PCDH7: variants seen among roughly 807,000 people sequenced by gnomAD.
PCDH7 encodes the protein protocadherin 7, also known as protocadherin-7.
Under a neutral mutation model 58.9 loss-of-function variants are expected in PCDH7, and 17 were observed. That is an observed-to-expected ratio of 0.29 (90% confidence interval 0.20 to 0.43). PCDH7 has a LOEUF of 0.43. Ranked by LOEUF, PCDH7 falls within the 20% of genes least tolerant of loss-of-function variation. The pLI is 1.00. For missense variants in PCDH7, 1,274 were observed against 1,441.0 expected (o/e 0.88, Z 1.88); for synonymous variants, 664 against 616.4 (o/e 1.08, Z -1.14).
intron 3 of PCDH7, among the ~76,000 whole-genome samples, chr4:30,985,976 A>G (rs567588700): frequency 6.6e-6 from 1 of 152,350 alleles, no homozygotes; most frequent in South Asian, 2.1e-4. Flanking sequence ...TGTAACAACA[A>G]TGGTGTGTTA....
intron 1 of PCDH7, among the ~76,000 whole-genome samples, chr4:30,879,191 C>T (rs1379512547): frequency 6.6e-6 from 1 of 151,968 alleles, no homozygotes; most frequent in Non-Finnish European, 1.5e-5. Context: ...TCCTCCTTCT[C>T]CTGCTTCCTC....
At chr4:30,995,288 C>A (rs1751788445) in intron 3 of PCDH7, among the ~76,000 whole-genome samples, 2 of 152,076 alleles carry the variant, frequency 1.3e-5, no homozygotes, top group African/African-American at 4.8e-5. Flanking sequence ...GAGGCAGAGG[C>A]AGGAGGATCA....
intron 3 of PCDH7, among the ~76,000 whole-genome samples, chr4:31,040,016 T>C (rs1440277880): frequency 6.6e-6 from 1 of 152,200 alleles, no homozygotes; most frequent in Non-Finnish European, 1.5e-5. Flanking sequence ...GATATAGTGC[T>C]GCCTTCTTTA....
At chr4:30,757,934 A>G (rs1719527217) in intron 1 of PCDH7, among the ~76,000 whole-genome samples, 1 of 106,964 alleles carries the variant, frequency 9.3e-6, no homozygotes, top group Non-Finnish European at 1.9e-5. Flanking sequence ...GCAGTGCTCA[A>G]GGTGTTAGGA....
chr4:31,142,333 A>G, intron 3 of PCDH7, 140 bp from the exon 3 acceptor site: 2 of 753,262 alleles, frequency 2.7e-6, no homozygotes, highest in East Asian at 1.1e-4. Flanking sequence ...TGTCCTATGG[A>G]ATGATGAGCT....
chr4:30,785,201 T>C (rs1723242209), intron 1 of PCDH7, among the ~76,000 whole-genome samples: 1 of 151,982 alleles, frequency 6.6e-6, no homozygotes, highest in East Asian at 1.9e-4. Context: ...AATAGGAAAA[T>C]CTAATGTGGT....
At chr4:30,960,425 C>T (rs1424724817) in intron 3 of PCDH7, among the ~76,000 whole-genome samples, 1 of 152,110 alleles carries the variant, frequency 6.6e-6, no homozygotes, top group African/African-American at 2.4e-5. Context: ...AAATGCTACC[C>T]TGTTTTATCA....
chr4:30,914,755 C>T (rs1742206998), intron 1 of PCDH7, among the ~76,000 whole-genome samples: 1 of 152,132 alleles, frequency 6.6e-6, no homozygotes, highest in Non-Finnish European at 1.5e-5. Context: ...TTTTTATAAA[C>T]TATCTCATTA....
chr4:30,766,046 G>T (rs1281965771), intron 1 of PCDH7, among the ~76,000 whole-genome samples: 1 of 151,534 alleles, frequency 6.6e-6, no homozygotes, highest in East Asian at 2.0e-4. Context: ...AGTGGGCTTA[G>T]ATAAGACGTC....
chr4:30,784,218 A>G (rs1019109468), intron 1 of PCDH7, among the ~76,000 whole-genome samples: 5 of 152,162 alleles, frequency 3.3e-5, no homozygotes, highest in South Asian at 2.1e-4. Flanking sequence ...ACCAAAGACA[A>G]TTTTCAGAAT....
intron 3 of PCDH7, among the ~76,000 whole-genome samples, chr4:31,086,848 C>A (rs1712502821): frequency 6.6e-6 from 1 of 152,116 alleles, no homozygotes; most frequent in African/African-American, 2.4e-5. Context: ...CACTTGTAGA[C>A]TAAGAGTTGA....
chr4:30,880,759 T>C (rs544415327), intron 1 of PCDH7, among the ~76,000 whole-genome samples: 4 of 152,068 alleles, frequency 2.6e-5, no homozygotes, highest in Non-Finnish European at 5.9e-5. Context: ...AAAAATAATA[T>C]AGAGTAACAC....
intron 1 of PCDH7, among the ~76,000 whole-genome samples, chr4:30,823,348 T>G (rs917032057): frequency 3.3e-5 from 5 of 152,176 alleles, no homozygotes; most frequent in Non-Finnish European, 7.4e-5. Flanking sequence ...GTGGAAAATC[T>G]GCTGAGCTTG....
chr4:31,039,763 C>T (rs1014459015), intron 3 of PCDH7, among the ~76,000 whole-genome samples: 1 of 152,158 alleles, frequency 6.6e-6, no homozygotes, highest in Middle Eastern at 3.2e-3. Context: ...TGTATAGGCA[C>T]AGTTCAAAAC....
chr4:30,771,208 A>T (rs943617219), intron 1 of PCDH7, among the ~76,000 whole-genome samples: 2 of 152,198 alleles, frequency 1.3e-5, no homozygotes, highest in African/African-American at 4.8e-5. Flanking sequence ...ACGAATTCAT[A>T]ATTTTGCCCT....
At chr4:31,039,300 C>A (rs1755658191) in intron 3 of PCDH7, among the ~76,000 whole-genome samples, 1 of 152,180 alleles carries the variant, frequency 6.6e-6, no homozygotes, top group African/African-American at 2.4e-5. Context: ...AGGCTGAAAG[C>A]CAATTGAAGG....
intron 3 of PCDH7, among the ~76,000 whole-genome samples, chr4:30,967,367 TACATATTTAGAATCA>T: frequency 6.6e-6 from 1 of 152,186 alleles, no homozygotes. Context: ...TAGAATTTTC[TACATATTTAGAATCA>T]AGCAATTCTC....
intron 3 of PCDH7, among the ~76,000 whole-genome samples, chr4:31,062,838 T>C (rs1204388808): frequency 6.6e-6 from 1 of 151,820 alleles, no homozygotes; most frequent in Non-Finnish European, 1.5e-5. Context: ...AATCAAAAAC[T>C]TCGTGTTTTT....
chr4:30,862,212 C>A (rs1340500645), intron 1 of PCDH7, among the ~76,000 whole-genome samples: 2 of 152,090 alleles, frequency 1.3e-5, no homozygotes, highest in Non-Finnish European at 2.9e-5. Context: ...GATTAGAATA[C>A]AAACCAAGTG....
Sources: gnomAD v4.1 joint callset for allele counts (sites outside exome capture counted in the v4.1 genomes callset) on GRCh38, gnomAD v4.1.1 for gene constraint, MANE v1.5 for transcripts, NCBI Gene and HGNC (gene_info 2026-07-23, HGNC 2026-07-21) for gene names.